Variants in ZACN observed in about 807,000 individuals in gnomAD.
ZACN encodes the protein zinc activated ion channel.
Under a neutral mutation model 38.9 loss-of-function variants are expected in ZACN, and 52 were observed. That is an observed-to-expected ratio of 1.34 (90% CI 1.07 to 1.68). The LOEUF (loss-of-function observed/expected upper bound fraction) is 1.68. Ranked by LOEUF, ZACN falls within the 40% of genes most tolerant of loss-of-function variation. The pLI is 0.00. For missense variants in ZACN, 559 were observed against 525.6 expected, an observed-to-expected ratio of 1.06 and a Z score of -0.62; for synonymous variants, 235 against 227.4, an observed-to-expected ratio of 1.03 and a Z score of -0.30.
At chr17:76,080,532 G>A (rs1167873061) in intron 5 of ZACN, 108 bp downstream of exon 5, 3 of 1,467,570 alleles carry the variant, frequency 2.0e-6, no homozygotes, top group Non-Finnish European at 2.8e-6. Flanking sequence ...AGGGGAAGGG[G>A]CAAAGGCAGA....
In ZACN at chr17:76,079,240, T is replaced by A; in HGVS notation, c.-25T>A. 6.3e-7 allele frequency: 1 copy of A among 1,593,294 alleles called. No homozygotes were observed. Among genetic ancestry groups the A allele is most frequent in the African/African-American group, 1.3e-5 (1 of 74,514 alleles). ...GAGGTTGTAGCTTAGGCACCGCTGC[T>A]CCCTCCAGTCCCTCCGTGCAGCCGA... On this transcript the variant is annotated 5_prime_UTR_variant, in exon 1 of 9. Coordinates refer to ENST00000334586, the MANE Select transcript of ZACN (RefSeq NM_180990.4).
At chr17:76,079,622 C>G in intron 2 of ZACN, 59 bp downstream of exon 2, 1 of 1,612,478 alleles carries the variant, frequency 6.2e-7, no homozygotes, top group Non-Finnish European at 8.5e-7. Context: ...CAGGACTCAG[C>G]CCTGGATAGT....
In ZACN at chr17:76,081,564, C is replaced by T. The variant is rs202074550; in HGVS notation, c.689C>T (p.Ala230Val). The T allele has an allele frequency of 3.5e-5, 57 of 1,613,692 alleles. No individual in the cohort carries two copies. Among genetic ancestry groups the T allele is most frequent in the East Asian group, 2.9e-4 (13 of 44,878 alleles). Residue 230 changes from alanine to valine, a missense_variant, in exon 7 of 9, where the codon GCG (alanine) becomes GTG (valine). By Grantham distance (64) the Ala-to-Val change is moderately conservative. Coordinates refer to ENST00000334586, the MANE Select transcript of ZACN (RefSeq NM_180990.4). ...FQVTLRLKNT[A>V]LKSIIALLVP... ...TTCCAGCTGAGGCTGAAGAACACGG[C>T]GCTCAAGTCCATCATCGCTCTCTTG...
chr17:76,079,720 A>G lies in ZACN; in HGVS notation c.241A>G (p.Met81Val). 1.9e-6 allele frequency: 3 copies of G among 1,613,598 alleles called. No individual in the cohort carries two copies. Among genetic ancestry groups the G allele is most frequent in the Non-Finnish European group, 1.7e-6 (2 of 1,179,770 alleles). Residue 81 changes from methionine to valine, a missense_variant, in exon 3 of 9, where the codon ATG becomes GTG. Met to Val is a conservative substitution (Grantham distance 21, BLOSUM62 1). Coordinates refer to ENST00000334586, the MANE Select transcript of ZACN (RefSeq NM_180990.4). ...CCCCCAGGACATCCTGCGATACACA[A>G]TGTCCTCCATGCTGCTGCTTAGGCT... Reference protein sequence around the residue: ...VFNVDILRYTMSSMLLLRLSW... With the variant: ...VFNVDILRYTVSSMLLLRLSW...
At position 76,079,312 on chromosome 17, in the gene ZACN, C is replaced by T. The variant is rs1340963417; in HGVS notation, c.48C>T (p.Ser16=). 1 of 1,614,138 alleles carries T rather than the reference C, an allele frequency of 6.2e-7. No individual in the cohort carries two copies. Among genetic ancestry groups the T allele is most frequent in the South Asian group, 1.1e-5 (1 of 91,078 alleles). The change falls in exon 1 of 9, where the codon AGC becomes AGT. Residue 16 remains serine, a synonymous_variant. Coordinates refer to ENST00000334586, the MANE Select transcript of ZACN (RefSeq NM_180990.4). ...SLLHLTFLGF[S]ITLLLVHGQG... ...TCCATCTCACCTTCCTGGGGTTCAG[C>T]ATTACCTTGCTGTTGGTCCACGGGC...
chr17:76,079,328 G>A lies in ZACN; in HGVS notation c.64G>A (p.Val22Ile). The A allele has an allele frequency of 1.2e-6, 2 of 1,614,122 alleles. No individual in the cohort carries two copies. The highest frequency in any genetic ancestry group is 1.1e-5 in the South Asian group (1 of 91,086). ...FLGFSITLLL[V>I]HGQGFQGTAA... ...GGGGTTCAGCATTACCTTGCTGTTG[G>A]TCCACGGGCAGGGCTTCCAAGGGAC... Residue 22 changes from valine (V) to isoleucine (I), a missense_variant, in exon 1 of 9, where the codon GTC (valine) becomes ATC (isoleucine). Coordinates refer to ENST00000334586, the MANE Select transcript of ZACN (RefSeq NM_180990.4).
intron 4 of ZACN, 50 bp from the exon 5 acceptor site, chr17:76,080,205 C>T: frequency 6.4e-7 from 1 of 1,565,274 alleles, no homozygotes. Flanking sequence ...CTCCCCCCGG[C>T]CCCGTCCAAG....
Position 76,080,443 on chromosome 17 carries a change from C to T in ZACN, c.544+19C>T. 2 of 1,612,422 alleles carry T rather than the reference C, an allele frequency of 1.2e-6. No individual in the cohort carries two copies. Among genetic ancestry groups the T allele is most frequent in the Non-Finnish European group, 1.7e-6 (2 of 1,179,902 alleles). On this transcript the variant is annotated intron_variant, in intron 5 of 8. Coordinates refer to ENST00000334586, the MANE Select transcript of ZACN (RefSeq NM_180990.4). ...AACACGGGTGCTGACAGGGCAGGGG[C>T]TGCAGGGTTGAGGAGGGGAGGAGGA...
chr17:76,080,865 G>C (rs1456401808), intron 5 of ZACN: 2 of 470,120 alleles, frequency 4.3e-6, no homozygotes, highest in African/African-American at 4.0e-5. Flanking sequence ...TGAAGGTGCA[G>C]CCACCCTGTA....
chr17:76,081,798 G>C (rs2066990631), intron 7 of ZACN, 43 bp downstream of exon 7: 2 of 1,613,038 alleles, frequency 1.2e-6, no homozygotes, highest in Non-Finnish European at 8.5e-7. Context: ...TTTCTCCCCG[G>C]TCACCCACTG....
rs778725073 is a variant in ZACN at position 76,079,712 on chromosome 17, G to C, written c.233G>C (p.Arg78Pro). ...TTGCCCTTCCCCCAGGACATCCTGC[G>C]ATACACAATGTCCTCCATGCTGCTG... Reference protein sequence around the residue: ...VSNVFNVDILRYTMSSMLLLR... With the variant: ...VSNVFNVDILPYTMSSMLLLR... Residue 78 changes from arginine (R) to proline (P), a missense_variant, in exon 3 of 9, where the codon CGA (arginine) becomes CCA (proline). Transcript: ENST00000334586. 6.2e-7 allele frequency: 1 copy of C among 1,613,514 alleles called. No individual in the cohort carries two copies. The highest frequency in any genetic ancestry group is 8.5e-7 in the Non-Finnish European group (1 of 1,179,716).
chr17:76,080,693 C>CA (rs1469415383), intron 5 of ZACN: 7 of 601,162 alleles, frequency 1.2e-5, no homozygotes, highest in Admixed American at 4.3e-5. Context: ...GTGACAGACT[C>CA]AAACATTCGC....
chr17:76,081,333 G>T lies in ZACN; in HGVS notation c.600G>T (p.Arg200Ser), dbSNP rs760591933. 6.2e-7 allele frequency: 1 copy of T among 1,614,156 alleles called. No individual in the cohort carries two copies. The highest frequency in any genetic ancestry group is 8.5e-7 in the Non-Finnish European group (1 of 1,180,024). ...HVVNEIVSVK[R>S]EYVVYDLKTQ... Reference sequence around the variant, plus strand: ...TGAACGAGATTGTGAGTGTCAAGAGGGAATACGTAGTTTATGATCTGAAGA... The same window carrying T: ...TGAACGAGATTGTGAGTGTCAAGAGTGAATACGTAGTTTATGATCTGAAGA... The change falls in exon 6 of 9, where the codon AGG (arginine) becomes AGT (serine). Residue 200 changes from arginine to serine, a missense_variant. Coordinates refer to ENST00000334586, the MANE Select transcript of ZACN (RefSeq NM_180990.4).
chr17:76,081,317 T>C lies in ZACN; in HGVS notation c.584T>C (p.Ile195Thr), dbSNP rs773508955. The C allele has an allele frequency of 3.1e-5, 50 of 1,613,904 alleles. No individual in the cohort carries two copies. The highest frequency in any genetic ancestry group is 4.1e-5 in the Non-Finnish European group (48 of 1,179,996). The change falls in exon 6 of 9, where the codon ATT (isoleucine) becomes ACT (threonine). Residue 195 changes from isoleucine (I) to threonine (T), a missense_variant. Coordinates refer to ENST00000334586, the MANE Select transcript of ZACN (RefSeq NM_180990.4). ...TTCCAGGCCCACGTGGTGAACGAGATTGTGAGTGTCAAGAGGGAATACGTA... is the reference window on the plus strand; with the variant it reads ...TTCCAGGCCCACGTGGTGAACGAGACTGTGAGTGTCAAGAGGGAATACGTA... ...LEFQAHVVNE[I>T]VSVKREYVVY... is the part of the protein sequence containing the mutation.
rs369965962 is a variant in ZACN at position 76,080,208 on chromosome 17, C to T, written c.375-47C>T. The T allele has an allele frequency of 3.9e-4, 606 of 1,569,878 alleles. 1 individual carries two copies. Among genetic ancestry groups the T allele is most frequent in the Non-Finnish European group, 5.1e-4 (595 of 1,158,256 alleles). ...GGATGCCAGGGTCTCCCCCCGGCCC[C>T]GTCCAAGAAGGGGCTGGGGCTCTGG... On this transcript the variant is annotated intron_variant, in intron 4 of 8. Coordinates refer to ENST00000334586, the MANE Select transcript of ZACN (RefSeq NM_180990.4).
Position 76,081,774 on chromosome 17 carries a change from C to A in ZACN, c.880+19C>A. The A allele has an allele frequency of 6.2e-7, 1 of 1,613,920 alleles. No individual in the cohort carries two copies. Among genetic ancestry groups the A allele is most frequent in the Non-Finnish European group, 8.5e-7 (1 of 1,179,884 alleles). ...CTGCTCAGTAAGCCCTGCTCCCTTA[C>A]CCAGTCTGCCCTGTTTCTCCCCGGT... On this transcript the variant is annotated intron_variant, in intron 7 of 8. Transcript: ENST00000334586.
At chr17:76,080,990 GC>G (rs1458243929) in intron 5 of ZACN, 7 of 409,172 alleles carry the variant, frequency 1.7e-5, no homozygotes, top group Non-Finnish European at 2.8e-5. Flanking sequence ...AGACTGACGA[GC>G]CTGTGACCAC....
At chr17:76,081,439 T>C in intron 6 of ZACN, 37 bp downstream of exon 6, 1 of 1,612,940 alleles carries the variant, frequency 6.2e-7, no homozygotes, top group African/African-American at 1.3e-5. Context: ...AGAGGGCTGC[T>C]GGAGGCGGGT....
At chr17:76,080,626 C>T (rs751466313) in intron 5 of ZACN, 26 of 755,852 alleles carry the variant, frequency 3.4e-5, no homozygotes, top group Non-Finnish European at 5.5e-5. Flanking sequence ...CTGCGCCCCC[C>T]ACTCGAGTGG....
Sources: allele counts gnomAD v4.1 joint callset, GRCh38; gene constraint gnomAD v4.1.1; transcripts MANE v1.5; gene names NCBI Gene and HGNC (gene_info 2026-07-23, HGNC 2026-07-21).